PTPRN2: variants seen among roughly 807,000 people sequenced by gnomAD.
PTPRN2 encodes protein tyrosine phosphatase receptor type N2.
PTPRN2 carries 74 observed loss-of-function variants against 118.8 expected under a neutral mutation model. The observed-to-expected ratio is 0.62, with a 90% confidence interval of 0.52 to 0.76. The LOEUF is 0.76. PTPRN2 is among the 30% of genes least tolerant of loss of function. The pLI, the probability that PTPRN2 is intolerant of heterozygous loss-of-function variation, is 0.00. For missense variants in PTPRN2, 1,481 were observed against 1,394.4 expected, an observed-to-expected ratio of 1.06 and a Z score of -0.99; for synonymous variants, 641 against 608.0, an observed-to-expected ratio of 1.05 and a Z score of -0.80.
intron 17 of PTPRN2, among the ~76,000 whole-genome samples, chr7:157,579,187 T>C (rs1428610316): frequency 6.6e-6 from 1 of 152,232 alleles, no homozygotes; most frequent in East Asian, 1.9e-4. Flanking sequence ...TTAATATTGA[T>C]TTATGTTCTC....
chr7:157,931,421 G>C (rs955357893), intron 11 of PTPRN2, among the ~76,000 whole-genome samples: 10 of 152,228 alleles, frequency 6.6e-5, no homozygotes, highest in South Asian at 2.1e-4. Context: ...GGCCTGAGCA[G>C]AGCCGTCAGC....
chr7:157,619,541 G>A lies in PTPRN2; in HGVS notation c.2344+1821C>T, dbSNP rs1803027386. Among the ~76,000 whole-genome samples, 1 of 152,206 alleles carries A rather than the reference G, an allele frequency of 6.6e-6. No individual in the cohort carries two copies. The highest frequency in any genetic ancestry group is 2.1e-4 in the South Asian group (1 of 4,826). ...ATATCTGTTAGTTGGCTAATGGGAT[G>A]TATTGTATTTTGCTTTTCTTCTAAA... On this transcript the variant is annotated intron_variant, in intron 15 of 22. Transcript: ENST00000389418. The surrounding 1 kb of genome is among the most constrained non-coding windows in gnomAD (Gnocchi z 5.3).
chr7:158,060,834 G>A (rs917196033), intron 11 of PTPRN2, among the ~76,000 whole-genome samples: 1 of 152,242 alleles, frequency 6.6e-6, no homozygotes, highest in Non-Finnish European at 1.5e-5. Context: ...TGCTAAGAAG[G>A]ATGGCCTGGA....
intron 5 of PTPRN2, among the ~76,000 whole-genome samples, chr7:158,170,975 A>ATG (rs1491499955): frequency 2.0e-5 from 3 of 147,856 alleles, no homozygotes; most frequent in African/African-American, 7.6e-5. Flanking sequence ...TCATATATAT[A>ATG]CATACATATA....
chr7:157,841,382 C>G (rs1808408600), intron 12 of PTPRN2, among the ~76,000 whole-genome samples: 1 of 152,168 alleles, frequency 6.6e-6, no homozygotes, highest in African/African-American at 2.4e-5. Context: ...AACAGGTCGG[C>G]CTTCCTTTTC....
At chr7:158,253,875 A>G (rs1796850389) in intron 3 of PTPRN2, among the ~76,000 whole-genome samples, 1 of 145,584 alleles carries the variant, frequency 6.9e-6, no homozygotes, top group African/African-American at 2.6e-5. Context: ...CTGTAACTGC[A>G]CGGCGGCACA....
intron 12 of PTPRN2, among the ~76,000 whole-genome samples, chr7:157,745,391 G>C (rs1800862011): frequency 6.6e-6 from 1 of 152,116 alleles, no homozygotes; most frequent in Non-Finnish European, 1.5e-5. Flanking sequence ...GTGGTCTGCG[G>C]GAGGCAGGCA....
intron 2 of PTPRN2, among the ~76,000 whole-genome samples, chr7:158,391,856 G>T (rs1811956947): frequency 6.6e-6 from 1 of 152,246 alleles, no homozygotes; most frequent in Admixed American, 6.5e-5. Context: ...ACAACAGTGA[G>T]CAGCACTGCT....
At chr7:158,267,128 A>G (rs1335422185) in intron 3 of PTPRN2, among the ~76,000 whole-genome samples, 7 of 152,244 alleles carry the variant, frequency 4.6e-5, no homozygotes, top group Admixed American at 3.3e-4. Context: ...CTTGCATTTA[A>G]GAGATCTAGA....
At chr7:157,713,805 TG>T (rs1268226695) in intron 12 of PTPRN2, among the ~76,000 whole-genome samples, 2 of 152,208 alleles carry the variant, frequency 1.3e-5, no homozygotes, top group Non-Finnish European at 2.9e-5. Flanking sequence ...GGTCTGGACA[TG>T]GAGCCACAGA....
intron 2 of PTPRN2, among the ~76,000 whole-genome samples, chr7:158,352,894 T>C (rs558350632): frequency 6.6e-6 from 1 of 152,388 alleles, no homozygotes; most frequent in Non-Finnish European, 1.5e-5. Flanking sequence ...ACTCTGTTTC[T>C]GGAACATGGC....
chr7:157,815,843 ACT>A (rs1013594850), intron 12 of PTPRN2, among the ~76,000 whole-genome samples: 6 of 152,168 alleles, frequency 3.9e-5, no homozygotes, highest in African/African-American at 7.2e-5. Flanking sequence ...CACTGTGCAC[ACT>A]CTGCACACGC....
In PTPRN2 at chr7:157,939,302, C is replaced by T. The variant is rs113122929; in HGVS notation, c.1724-40565G>A. ...TAAAGCACGCAGGTCTCCTGTCTCA[C>T]TAGCAAGGTTTCCATCACTGAGCGG... is the stretch of plus-strand genomic sequence containing the variant. On this transcript the variant is annotated intron_variant, in intron 11 of 22. Transcript: ENST00000389418. Among the ~76,000 whole-genome samples, 302 of 152,370 alleles carry T rather than the reference C, an allele frequency of 2.0e-3. 2 individuals are homozygous for T. The highest frequency in any genetic ancestry group is 5.1e-3 in the Admixed American group (78 of 15,310).
chr7:157,765,999 A>T (rs1462420647), intron 12 of PTPRN2, among the ~76,000 whole-genome samples: 7 of 136,544 alleles, frequency 5.1e-5, no homozygotes, highest in South Asian at 2.4e-4. Context: ...CATCCATCCA[A>T]CCATCCATCC....
chr7:157,985,813 G>A (rs1331598861), intron 11 of PTPRN2, among the ~76,000 whole-genome samples: 4 of 151,756 alleles, frequency 2.6e-5, no homozygotes, highest in Non-Finnish European at 5.9e-5. Flanking sequence ...GAGACCAGCC[G>A]GATAGCCCAC....
chr7:157,576,645 A>G lies in PTPRN2; in HGVS notation c.2751T>C (p.Pro917=), dbSNP rs1800062790. The stretch of plus-strand genomic sequence containing the variant: ...AGTCCAGGAGGGACCTTGAGGAGGA[A>G]GGGACTCCTCGGTCATACCAACTCA... ...HFLSWYDRGV[P]SSSRSLLDFR... is the part of the protein sequence containing the mutation. The change falls in exon 19 of 23, where the codon CCT becomes CCC. Residue 917 remains proline, a synonymous_variant. Coordinates refer to ENST00000389418, the MANE Select transcript of PTPRN2 (RefSeq NM_002847.5). The G allele has an allele frequency of 6.2e-7, 1 of 1,612,752 alleles. No homozygotes were observed. The highest frequency in any genetic ancestry group is 8.5e-7 in the Non-Finnish European group (1 of 1,179,418).
intron 2 of PTPRN2, among the ~76,000 whole-genome samples, chr7:158,319,389 C>A (rs1802618937): frequency 8.1e-6 from 1 of 122,844 alleles, no homozygotes; most frequent in South Asian, 3.0e-4. Flanking sequence ...CACACACACA[C>A]ACAGCCTCCC....
intron 2 of PTPRN2, among the ~76,000 whole-genome samples, chr7:158,471,197 C>T (rs1028280689): frequency 2.7e-4 from 41 of 152,242 alleles, no homozygotes; most frequent in African/African-American, 7.9e-4. Context: ...AAGGCCAGCA[C>T]GAGAGGCCAG....
At chr7:158,356,663 G>A (rs762620141) in intron 2 of PTPRN2, among the ~76,000 whole-genome samples, 2 of 152,076 alleles carry the variant, frequency 1.3e-5, no homozygotes, top group Admixed American at 6.6e-5. Context: ...CATGCTGAGC[G>A]CTGTGCGTAA....
Sources: gnomAD v4.1 joint callset for allele counts (sites outside exome capture counted in the v4.1 genomes callset) on GRCh38, gnomAD v4.1.1 for gene constraint, Gnocchi (gnomAD v3.1) non-coding constraint, MANE v1.5 for transcripts, NCBI Gene and HGNC (gene_info 2026-07-23, HGNC 2026-07-21) for gene names.